KCTD16: variants seen among roughly 807,000 people sequenced by gnomAD.
KCTD16 encodes BTB/POZ domain-containing protein KCTD16.
A neutral mutation model predicts 33.2 loss-of-function variants in KCTD16; 13 were observed. The ratio of observed to expected loss-of-function variants is 0.39; its 90% CI spans 0.25 to 0.62. The LOEUF (loss-of-function observed/expected upper bound fraction) is 0.62. Ranked by LOEUF, KCTD16 falls within the 20% of genes least tolerant of loss-of-function variation. KCTD16 has a pLI of 0.50. For missense variants in KCTD16, 441 were observed against 525.1 expected, an observed-to-expected ratio of 0.84 and a Z score of 1.57; for synonymous variants, 197 against 195.3, an observed-to-expected ratio of 1.01 and a Z score of -0.07.
At chr5:144,195,016 C>T (rs1752915251) in intron 2 of KCTD16, among the ~76,000 whole-genome samples, 1 of 152,124 alleles carries the variant, frequency 6.6e-6, no homozygotes. Flanking sequence ...TATTAGATTT[C>T]CTTTGTGTCA....
intron 3 of KCTD16, among the ~76,000 whole-genome samples, chr5:144,305,989 G>A (rs548821841): frequency 1.1e-3 from 161 of 152,292 alleles, no homozygotes; most frequent in Non-Finnish European, 1.6e-3. Context: ...ATGGTGTTTT[G>A]TTATGGTAGC....
chr5:144,308,056 C>T (rs997782334), intron 3 of KCTD16, among the ~76,000 whole-genome samples: 1 of 152,202 alleles, frequency 6.6e-6, no homozygotes, highest in Non-Finnish European at 1.5e-5. Context: ...TTCTATCTCA[C>T]AAGCTTACTG....
intron 3 of KCTD16, among the ~76,000 whole-genome samples, chr5:144,308,735 C>A (rs1751676241): frequency 6.9e-6 from 1 of 144,020 alleles, no homozygotes; most frequent in African/African-American, 2.6e-5. Flanking sequence ...GATAGATAAA[C>A]CTGCCTCCAT....
At chr5:144,402,312 A>G (rs560651438) in intron 3 of KCTD16, among the ~76,000 whole-genome samples, 21 of 151,852 alleles carry the variant, frequency 1.4e-4, no homozygotes, top group Non-Finnish European at 2.9e-4. Context: ...CTCCTTCCCC[A>G]CCTCTCCTTA....
chr5:144,320,473 T>G (rs552516503), intron 3 of KCTD16, among the ~76,000 whole-genome samples: 2 of 152,300 alleles, frequency 1.3e-5, no homozygotes, highest in African/African-American at 4.8e-5. Flanking sequence ...ACCACTGAGA[T>G]GGGTTTACAT....
chr5:144,400,296 C>T (rs1222714802), intron 3 of KCTD16, among the ~76,000 whole-genome samples: 2 of 152,046 alleles, frequency 1.3e-5, no homozygotes, highest in Admixed American at 1.3e-4. Context: ...GATATCTCTA[C>T]CAGTTTGGAA....
At chr5:144,247,540 AT>A in intron 3 of KCTD16, among the ~76,000 whole-genome samples, 1 of 152,290 alleles carries the variant, frequency 6.6e-6, no homozygotes, top group African/African-American at 2.4e-5. Flanking sequence ...TGCTGTCTGA[AT>A]TTCTGGCCCA....
At chr5:144,469,996 A>G (rs1414567760) in intron 3 of KCTD16, among the ~76,000 whole-genome samples, 1 of 151,416 alleles carries the variant, frequency 6.6e-6, no homozygotes, top group Non-Finnish European at 1.5e-5. Context: ...CTTTTCTTGG[A>G]ATGAAATGGT....
chr5:144,247,395 G>A (rs557253762), intron 3 of KCTD16, among the ~76,000 whole-genome samples: 17 of 152,166 alleles, frequency 1.1e-4, no homozygotes, highest in Non-Finnish European at 2.4e-4. Flanking sequence ...AGCTTCTGTT[G>A]AGATCCCAGC....
At chr5:144,302,265 G>T (rs1751461806) in intron 3 of KCTD16, among the ~76,000 whole-genome samples, 1 of 152,078 alleles carries the variant, frequency 6.6e-6, no homozygotes, top group Non-Finnish European at 1.5e-5. Flanking sequence ...GAATTTCAAA[G>T]TACTCTGGGC....
intron 3 of KCTD16, among the ~76,000 whole-genome samples, chr5:144,356,205 A>G (rs571195519): frequency 5.3e-5 from 8 of 152,304 alleles, no homozygotes; most frequent in East Asian, 1.9e-4. Flanking sequence ...TACACTGTCC[A>G]TATTTTAGCT....
chr5:144,462,889 C>A (rs1429620636), intron 3 of KCTD16, among the ~76,000 whole-genome samples: 1 of 152,124 alleles, frequency 6.6e-6, no homozygotes, highest in Admixed American at 6.5e-5. Context: ...TGGATTCCAA[C>A]TTGAAGGGTG....
At chr5:144,278,953 A>C (rs1161642268) in intron 3 of KCTD16, among the ~76,000 whole-genome samples, 2 of 152,162 alleles carry the variant, frequency 1.3e-5, no homozygotes, top group African/African-American at 2.4e-5. Flanking sequence ...AATTAATGAG[A>C]TATCCCTCTA....
At chr5:144,325,191 A>T (rs1017557417) in intron 3 of KCTD16, among the ~76,000 whole-genome samples, 1 of 152,204 alleles carries the variant, frequency 6.6e-6, no homozygotes, top group African/African-American at 2.4e-5. Context: ...GATGGCTATT[A>T]TAATAGACAT....
At chr5:144,363,094 G>A (rs1751752288) in intron 3 of KCTD16, among the ~76,000 whole-genome samples, 1 of 152,130 alleles carries the variant, frequency 6.6e-6, no homozygotes, top group Non-Finnish European at 1.5e-5. Context: ...GCTCATGCCT[G>A]TAATCCCAGC....
intron 3 of KCTD16, among the ~76,000 whole-genome samples, chr5:144,469,369 G>A (rs1486360284): frequency 6.6e-6 from 1 of 152,116 alleles, no homozygotes; most frequent in Admixed American, 6.5e-5. Flanking sequence ...TTTTCCTGAG[G>A]CATCCAGCTG....
intron 3 of KCTD16, among the ~76,000 whole-genome samples, chr5:144,252,891 CTT>C (rs796121886): frequency 2.9e-5 from 4 of 138,316 alleles, no homozygotes. Flanking sequence ...CTCATCTTGC[CTT>C]TTTTTTTTTT....
At chr5:144,291,546 TGTCCTTTATATATG>T (rs1395504577) in intron 3 of KCTD16, among the ~76,000 whole-genome samples, 1 of 152,254 alleles carries the variant, frequency 6.6e-6, no homozygotes, top group African/African-American at 2.4e-5. Context: ...TCTTTAATAT[TGTCCTTTATATATG>T]GTAAGTAGTT....
At chr5:144,180,875 G>C (rs1237970084) in intron 2 of KCTD16, among the ~76,000 whole-genome samples, 1 of 152,062 alleles carries the variant, frequency 6.6e-6, no homozygotes, top group Admixed American at 6.5e-5. Context: ...GCTAGAAAAC[G>C]TGTCTCTAAA....
Sources: allele counts gnomAD v4.1 joint callset (sites outside exome capture counted in the v4.1 genomes callset), GRCh38; gene constraint gnomAD v4.1.1; transcripts MANE v1.5; gene names NCBI Gene and HGNC (gene_info 2026-07-23, HGNC 2026-07-21).